The following TSTD1 variants were observed in gnomAD, a reference collection of about 807,000 sequenced individuals.
TSTD1 encodes thiosulfate:glutathione sulfurtransferase.
TSTD1 carries 7 observed loss-of-function variants against 12.6 expected under a neutral mutation model. The observed-to-expected ratio is 0.55, with a 90% CI of 0.32 to 1.04. The LOEUF (loss-of-function observed/expected upper bound fraction) is 1.04. Among genes scored for constraint, TSTD1 ranks in the 50% least tolerant of loss-of-function variants. TSTD1 has a pLI of 0.05. For missense variants in TSTD1, 156 were observed against 151.0 expected (o/e 1.03, Z -0.17); for synonymous variants, 73 against 59.7 (o/e 1.22, Z -1.03).
chr1:161,038,705 A>AG, intron 1 of TSTD1, 32 bp from the exon 2 acceptor site: 2 of 1,537,468 alleles, frequency 1.3e-6, no homozygotes, highest in Non-Finnish European at 1.8e-6. Context: ...CTTCAGGAAG[A>AG]GGGGGCCTAG....
Position 161,038,663 on chromosome 1 carries a change from G to A in TSTD1, c.21C>T (p.Val7=). ...GGAGTGAACGGAGTTCAGGAAGCGAGACCGTGGGCGCTGAGGAAGGGGCGC... is the reference window on the plus strand; with the variant it reads ...GGAGTGAACGGAGTTCAGGAAGCGAAACCGTGGGCGCTGAGGAAGGGGCGC... The part of the protein sequence containing the change: MAGAPT[V]SLPELRSLLA... Residue 7 remains valine (V), a synonymous_variant, in exon 2 of 4, where the codon GTC becomes GTT. Transcript: ENST00000423014. The A allele has an allele frequency of 1.3e-6, 2 of 1,544,716 alleles. No homozygotes were observed. The highest frequency in any genetic ancestry group is 1.8e-6 in the Non-Finnish European group (2 of 1,141,246).
Position 161,037,740 on chromosome 1 carries a change from G to A in TSTD1, c.*35C>T, listed in dbSNP as rs1219871514. 99 of 1,551,424 alleles carry A rather than the reference G, an allele frequency of 6.4e-5. No homozygotes were observed. The Admixed American group carries it at 1.8e-3, about 29-fold the overall frequency. ...CCCTTAGTTAAGGTGGCCATTAAGG[G>A]GCCAGGGGGTGGCAATCAGTAAGCT... On this transcript the variant is annotated 3_prime_UTR_variant, in exon 4 of 4. Coordinates refer to ENST00000423014, the MANE Select transcript of TSTD1 (RefSeq NM_001113207.2).
In TSTD1 at chr1:161,038,017, A is replaced by C. The variant is rs995143478; in HGVS notation, c.192T>G (p.Ser64=). The change falls in exon 3 of 4, where the codon TCT becomes TCG. Residue 64 remains serine (S), a synonymous_variant. Coordinates refer to ENST00000423014, the MANE Select transcript of TSTD1 (RefSeq NM_001113207.2). Reference sequence around the variant, plus strand: ...CATCTTCCAGCTTTGGCTTCTCAGCAGAATATAAAGCCTGGAAGGCAGCTG... The same window carrying C: ...CATCTTCCAGCTTTGGCTTCTCAGCCGAATATAAAGCCTGGAAGGCAGCTG... ...MEPAAFQALY[S]AEKPKLEDEH... is the part of the protein sequence containing the mutation. 1.7e-5 allele frequency: 26 copies of C among 1,551,564 alleles called. No homozygotes were observed. In the Admixed American group the frequency reaches 5.1e-4, roughly 30 times the overall value.
At chr1:161,038,423 G>C (rs1650320930) in intron 2 of TSTD1, 128 bp downstream of exon 2, 1 of 1,178,590 alleles carries the variant, frequency 8.5e-7, no homozygotes, top group Non-Finnish European at 1.2e-6. Context: ...CTGAGGGCTG[G>C]CTCCCGGGAA....
chr1:161,038,075 A>C lies in TSTD1; in HGVS notation c.134T>G (p.Val45Gly). Residue 45 changes from valine to glycine, a missense_variant and splice_region_variant, in exon 3 of 4, where the codon GTG becomes GGG. Val to Gly is a moderately radical substitution (Grantham distance 109). Coordinates refer to ENST00000423014, the MANE Select transcript of TSTD1 (RefSeq NM_001113207.2). ...CTGCAGAGCACTCTCCAACTCGGACACTGGAGGAGTGGAGAGGGTAGAAGG... is the reference window on the plus strand; with the variant it reads ...CTGCAGAGCACTCTCCAACTCGGACCCTGGAGGAGTGGAGAGGGTAGAAGG... ...GTIPGALNIPVSELESALQME... is the reference protein window; with the variant it reads ...GTIPGALNIPGSELESALQME... 1 of 1,551,354 alleles carries C rather than the reference A, an allele frequency of 6.4e-7. No homozygotes were observed. Among genetic ancestry groups the C allele is most frequent in the South Asian group, 1.2e-5 (1 of 84,052 alleles).
rs1199370159 is a variant in TSTD1, at chr1:161,038,642, T to C, written c.42A>G (p.Ser14=). 6.5e-7 allele frequency: 1 copy of C among 1,548,824 alleles called. No individual in the cohort carries two copies. The highest frequency in any genetic ancestry group is 1.4e-5 in the African/African-American group (1 of 72,852). The change falls in exon 2 of 4, where the codon TCA becomes TCG. Residue 14 remains serine, a synonymous_variant. Coordinates refer to ENST00000423014, the MANE Select transcript of TSTD1 (RefSeq NM_001113207.2). Reference sequence around the variant, plus strand: ...GCCGGGCCCGTCCGGAGGCTAGGAGTGAACGGAGTTCAGGAAGCGAGACCG... The same window carrying C: ...GCCGGGCCCGTCCGGAGGCTAGGAGCGAACGGAGTTCAGGAAGCGAGACCG... The part of the protein sequence containing the change: ...APTVSLPELR[S]LLASGRARLF...
chr1:161,038,066 AACTCGG>A lies in TSTD1; in HGVS notation c.137_142del (p.Ser46_Glu47del). 2 of 1,551,566 alleles carry A rather than the reference AACTCGG, an allele frequency of 1.3e-6. No homozygotes were observed. Among genetic ancestry groups the A allele is most frequent in the Non-Finnish European group, 1.7e-6 (2 of 1,146,992 alleles). ...TGGCTCCATCTGCAGAGCACTCTCCAACTCGGACACTGGAGGAGTGGAGAGGGTAGA... is the reference window on the plus strand; with the variant it reads ...TGGCTCCATCTGCAGAGCACTCTCCAACACTGGAGGAGTGGAGAGGGTAGA... On this transcript the variant is annotated inframe_deletion, in exon 3 of 4. Transcript: ENST00000423014.
rs1025872442 is a variant in TSTD1 at position 161,037,998 on chromosome 1, C to T, written c.211G>A (p.Glu71Lys). Residue 71 changes from glutamate (E) to lysine (K), a missense_variant, in exon 3 of 4, where the codon GAA becomes AAA. Coordinates refer to ENST00000423014, the MANE Select transcript of TSTD1 (RefSeq NM_001113207.2). ...CAGAAGAAAACGAGATGCTCATCTT[C>T]CAGCTTTGGCTTCTCAGCAGAATAT... ...ALYSAEKPKLEDEHLVFFCQM... is the reference protein window; with the variant it reads ...ALYSAEKPKLKDEHLVFFCQM... The T allele has an allele frequency of 7.1e-6, 11 of 1,551,746 alleles. No homozygotes were observed. Among genetic ancestry groups the T allele is most frequent in the Non-Finnish European group, 9.6e-6 (11 of 1,147,012 alleles).
rs573681763 is a variant in TSTD1 at position 161,038,906 on chromosome 1, G to C, written c.-17C>G. ...TCCAGCCATGGTGCGCGTAGCAACCGCGAGTCTCCGGAGTGCGGCCCTGGC... is the reference window on the plus strand; with the variant it reads ...TCCAGCCATGGTGCGCGTAGCAACCCCGAGTCTCCGGAGTGCGGCCCTGGC... On this transcript the variant is annotated 5_prime_UTR_variant, in exon 1 of 4. Transcript: ENST00000423014. The C allele has an allele frequency of 1.9e-6, 3 of 1,550,692 alleles. No individual in the cohort carries two copies. The highest frequency in any genetic ancestry group is 2.0e-5 in the Admixed American group (1 of 50,984).
Position 161,037,679 on chromosome 1 carries a change from A to G in TSTD1, c.*96T>C. ...ATGCTTTTGTGTGCACAACACTATA[A>G]GGAGTTGCCCAATTCACCAAGTCAG... On this transcript the variant is annotated 3_prime_UTR_variant, in exon 4 of 4. Coordinates refer to ENST00000423014, the MANE Select transcript of TSTD1 (RefSeq NM_001113207.2). 7.8e-7 allele frequency: 1 copy of G among 1,280,124 alleles called. No individual in the cohort carries two copies. The highest frequency in any genetic ancestry group is 1.5e-5 in the African/African-American group (1 of 67,480). 79.3% of individuals were successfully genotyped at this position (1,280,124 alleles called of 1,614,324 possible). A position where few individuals can be genotyped will look rare whatever the true frequency, so the allele number is the denominator to read the frequency against.
In TSTD1 at chr1:161,037,786, T is replaced by C. The variant is rs868353914; in HGVS notation, c.337A>G (p.Lys113Glu). 4.1e-5 allele frequency: 64 copies of C among 1,551,690 alleles called. 2 individuals carry two copies. The Middle Eastern group carries it at 1.7e-3, about 40-fold the overall frequency. Reference protein sequence around the residue: ...YAGAYREWLEKES With the variant: ...YAGAYREWLEEES ...AAGCTGCCTCCTGCCTAACTCTCTTTCTCCAACCATTCTCTATAGGCTCCA... is the reference window on the plus strand; with the variant it reads ...AAGCTGCCTCCTGCCTAACTCTCTTCCTCCAACCATTCTCTATAGGCTCCA... The change falls in exon 4 of 4, where the codon AAA becomes GAA. Residue 113 changes from lysine to glutamate, a missense_variant. Physicochemically the swap from Lys to Glu is moderately conservative, Grantham distance 56. Coordinates refer to ENST00000423014, the MANE Select transcript of TSTD1 (RefSeq NM_001113207.2).
In TSTD1 at chr1:161,038,679, G is replaced by T; in HGVS notation, c.11-6C>A. 1 of 1,542,566 alleles carries T rather than the reference G, an allele frequency of 6.5e-7. No individual in the cohort carries two copies. The highest frequency in any genetic ancestry group is 1.4e-5 in the African/African-American group (1 of 72,972). On this transcript the variant is annotated splice_region_variant and splice_polypyrimidine_tract_variant and intron_variant, in intron 1 of 3. Transcript: ENST00000423014. ...AGGAAGCGAGACCGTGGGCGCTGAG[G>T]AAGGGGCGCGACAGCCTTCAGGAAG...
At chr1:161,038,857 C>A (rs754179325) in intron 1 of TSTD1, 23 bp downstream of exon 1, 50 of 1,548,758 alleles carry the variant, frequency 3.2e-5, no homozygotes, top group Non-Finnish European at 4.0e-5. Flanking sequence ...AGAACCGCGG[C>A]CCCAGGAATC....
chr1:161,038,373 G>C, intron 2 of TSTD1, 178 bp downstream of exon 2: 1 of 810,002 alleles, frequency 1.2e-6, no homozygotes, highest in Non-Finnish European at 1.9e-6. Flanking sequence ...GGCCAGTTCC[G>C]ATGCCAAGAT....
chr1:161,038,539 T>C lies in TSTD1; in HGVS notation c.133+12A>G. On this transcript the variant is annotated intron_variant, in intron 2 of 3. Transcript: ENST00000423014. ...TATTCCACCACCTGGGCGTCCCCTC[T>C]CCACCCTATACCCGGGATGTTGAGC... 4.6e-6 allele frequency: 7 copies of C among 1,529,790 alleles called. No individual in the cohort carries two copies. The South Asian group carries it at 8.4e-5, about 18-fold the overall frequency. 94.8% of individuals were successfully genotyped at this position (1,529,790 alleles called of 1,614,324 possible).
In TSTD1 at chr1:161,037,689, C is replaced by A; in HGVS notation, c.*86G>T. The stretch of plus-strand genomic sequence containing the variant: ...GTGCACAACACTATAAGGAGTTGCC[C>A]AATTCACCAAGTCAGCCCGTTCACA... On this transcript the variant is annotated 3_prime_UTR_variant, in exon 4 of 4. Coordinates refer to ENST00000423014, the MANE Select transcript of TSTD1 (RefSeq NM_001113207.2). The A allele has an allele frequency of 7.0e-7, 1 of 1,424,874 alleles. No individual in the cohort carries two copies. The highest frequency in any genetic ancestry group is 1.2e-5 in the South Asian group (1 of 80,638). The allele number at this position is 1,424,874 out of a possible 1,614,324, so 88.3% of individuals were successfully genotyped here.
intron 2 of TSTD1, 196 bp downstream of exon 2, chr1:161,038,355 A>G (rs1650316202): frequency 2.7e-6 from 2 of 742,582 alleles, no homozygotes; most frequent in Non-Finnish European, 4.2e-6. Flanking sequence ...GTCTTCTCAA[A>G]CTGGATGGGC....
chr1:161,038,863 G>C lies in TSTD1; in HGVS notation c.10+17C>G. ...AGGACCAAGAGAACCGCGGCCCCAGGAATCCCCCGCAGGTACCTCCAGCCA... is the reference window on the plus strand; with the variant it reads ...AGGACCAAGAGAACCGCGGCCCCAGCAATCCCCCGCAGGTACCTCCAGCCA... On this transcript the variant is annotated intron_variant, in intron 1 of 3. Transcript: ENST00000423014. 6.5e-7 allele frequency: 1 copy of C among 1,549,200 alleles called. No individual in the cohort carries two copies.
rs779751504 is a variant in TSTD1 at position 161,037,958 on chromosome 1, C to T, written c.251G>A (p.Arg84Gln). ...GGCCAGCTGCGTGGCCTGGAGGCCC[C>T]GCTTGCCCATCTGACAGAAGAAAAC... is the stretch of plus-strand genomic sequence containing the variant. The part of the protein sequence containing the change: ...HLVFFCQMGK[R>Q]GLQATQLARS... The change falls in exon 3 of 4, where the codon CGG (arginine) becomes CAG (glutamine). Residue 84 changes from arginine to glutamine, a missense_variant. Coordinates refer to ENST00000423014, the MANE Select transcript of TSTD1 (RefSeq NM_001113207.2). The T allele has an allele frequency of 1.9e-6, 3 of 1,551,694 alleles. No individual in the cohort carries two copies. Among genetic ancestry groups the T allele is most frequent in the African/African-American group, 2.7e-5 (2 of 73,064 alleles).
Sources: gnomAD v4.1 joint callset for allele counts on GRCh38, gnomAD v4.1.1 for gene constraint, MANE v1.5 for transcripts, NCBI Gene and HGNC (gene_info 2026-07-23, HGNC 2026-07-21) for gene names.